Variants in NR3C2 observed in about 807,000 individuals in gnomAD.
The protein encoded by NR3C2 is nuclear receptor subfamily 3 group C member 2, also known as mineralocorticoid receptor.
NR3C2 carries 15 observed loss-of-function variants against 86.4 expected under a neutral mutation model. The ratio of observed to expected loss-of-function variants is 0.17; its 90% CI spans 0.12 to 0.27. The LOEUF is 0.27. Ranked by LOEUF, NR3C2 falls within the 10% of genes least tolerant of loss-of-function variation. The pLI is 1.00. For missense variants in NR3C2, 960 were observed against 1,195.6 expected (o/e 0.80, Z 2.91); for synonymous variants, 458 against 450.5 (o/e 1.02, Z -0.21).
chr4:148,387,873 C>A (rs918445836), intron 2 of NR3C2, among the ~76,000 whole-genome samples: 3 of 152,164 alleles, frequency 2.0e-5, no homozygotes, highest in Non-Finnish European at 4.4e-5. Flanking sequence ...GTGGAGCAAG[C>A]AGTATTTTAC....
intron 2 of NR3C2, among the ~76,000 whole-genome samples, chr4:148,417,819 T>A (rs1008350256): frequency 1.3e-5 from 2 of 152,208 alleles, no homozygotes; most frequent in African/African-American, 4.8e-5. Context: ...TCATTTCTGT[T>A]GTCCAAAGAA....
At chr4:148,245,007 G>T (rs1739248245) in intron 3 of NR3C2, among the ~76,000 whole-genome samples, 1 of 152,070 alleles carries the variant, frequency 6.6e-6, no homozygotes, top group Non-Finnish European at 1.5e-5. Flanking sequence ...TTCTCACCAG[G>T]ATTCGAAGCA....
intron 2 of NR3C2, among the ~76,000 whole-genome samples, chr4:148,421,797 G>T (rs1579279711): frequency 6.6e-6 from 1 of 152,092 alleles, no homozygotes. Flanking sequence ...ACAGAGGCTA[G>T]GCCATGTTCA....
chr4:148,440,993 A>C (rs978895413), intron 1 of NR3C2, among the ~76,000 whole-genome samples: 8 of 152,222 alleles, frequency 5.3e-5, no homozygotes, highest in Non-Finnish European at 1.0e-4. Flanking sequence ...GCATAGTTGT[A>C]AAAGTTCACT....
intron 2 of NR3C2, among the ~76,000 whole-genome samples, chr4:148,412,821 GCACACA>G (rs370759208): frequency 4.3e-5 from 5 of 115,954 alleles, no homozygotes; most frequent in Admixed American, 2.0e-4. Context: ...GCACATGTGC[GCACACA>G]CACACACACA....
At chr4:148,341,743 T>TA (rs561272814) in intron 2 of NR3C2, among the ~76,000 whole-genome samples, 40 of 151,530 alleles carry the variant, frequency 2.6e-4, no homozygotes, top group Non-Finnish European at 5.0e-4. Flanking sequence ...TATGCATCAA[T>TA]AAAAAAAATA....
chr4:148,338,635 C>A (rs1744604981), intron 2 of NR3C2, among the ~76,000 whole-genome samples: 1 of 152,058 alleles, frequency 6.6e-6, no homozygotes, highest in East Asian at 1.9e-4. Flanking sequence ...GCAACAAACC[C>A]TTGGTCACGG....
chr4:148,286,056 C>T (rs1041022762), intron 2 of NR3C2, among the ~76,000 whole-genome samples: 3 of 152,128 alleles, frequency 2.0e-5, no homozygotes, highest in African/African-American at 7.2e-5. Context: ...ATGACTAGAA[C>T]AGTCTGGAAG....
chr4:148,400,225 G>T (rs1375933528), intron 2 of NR3C2, among the ~76,000 whole-genome samples: 3 of 152,110 alleles, frequency 2.0e-5, no homozygotes, highest in Admixed American at 1.3e-4. Context: ...AACCTTCAAG[G>T]GCTGAGCTAG....
At chr4:148,186,613 C>A (rs528098074) in intron 4 of NR3C2, among the ~76,000 whole-genome samples, 1 of 152,144 alleles carries the variant, frequency 6.6e-6, no homozygotes, top group East Asian at 1.9e-4. Context: ...TGTACATAAT[C>A]TATTTTTTTC....
chr4:148,148,698 C>T (rs923560315), intron 6 of NR3C2, among the ~76,000 whole-genome samples: 2 of 152,174 alleles, frequency 1.3e-5, no homozygotes, highest in Admixed American at 1.3e-4. Flanking sequence ...TAATCATTCC[C>T]AAGGAAGACT....
rs558731228 is a variant in NR3C2 at position 148,362,581 on chromosome 4, C to T, written c.1757+72523G>A. ...TTACGGAATTGTACATATTCACTCC[C>T]GCTTTCATCTGCTCAAAAGTTACAG... On this transcript the variant is annotated intron_variant, in intron 2 of 8. Coordinates refer to ENST00000358102, the MANE Select transcript of NR3C2 (RefSeq NM_000901.5). Among the ~76,000 whole-genome samples, 15 of 152,218 alleles carry T rather than the reference C, an allele frequency of 9.9e-5. No individual in the cohort carries two copies. The East Asian group carries it at 1.2e-3, about 12-fold the overall frequency.
intron 4 of NR3C2, among the ~76,000 whole-genome samples, chr4:148,166,966 C>T (rs1333836157): frequency 6.6e-6 from 1 of 152,156 alleles, no homozygotes; most frequent in Non-Finnish European, 1.5e-5. Context: ...AGTAACATCA[C>T]ATTGATAGTA....
At chr4:148,334,280 C>T (rs534885265) in intron 2 of NR3C2, among the ~76,000 whole-genome samples, 43 of 152,338 alleles carry the variant, frequency 2.8e-4, no homozygotes, top group Admixed American at 1.2e-3. Flanking sequence ...CGGTGGCTCA[C>T]GCCTATAATC....
chr4:148,325,421 C>G (rs1743912673), intron 2 of NR3C2, among the ~76,000 whole-genome samples: 1 of 152,098 alleles, frequency 6.6e-6, no homozygotes, highest in African/African-American at 2.4e-5. Flanking sequence ...TTTTTAATCT[C>G]TAGTACTTTG....
chr4:148,416,030 C>G (rs1748977483), intron 2 of NR3C2, among the ~76,000 whole-genome samples: 1 of 151,948 alleles, frequency 6.6e-6, no homozygotes, highest in Non-Finnish European at 1.5e-5. Context: ...GTCTATAGAG[C>G]TGCATATCAT....
chr4:148,215,005 G>A (rs1452711314), intron 3 of NR3C2, among the ~76,000 whole-genome samples: 3 of 152,272 alleles, frequency 2.0e-5, no homozygotes, highest in African/African-American at 7.2e-5. Flanking sequence ...GGGGATGGGG[G>A]CCTGGGTAAG....
At chr4:148,158,895 T>G (rs2149772582) in intron 4 of NR3C2, among the ~76,000 whole-genome samples, 1 of 152,354 alleles carries the variant, frequency 6.6e-6, no homozygotes, top group South Asian at 2.1e-4. Context: ...TGTGATTTTG[T>G]GAATATATGT....
chr4:148,251,135 T>C (rs2149860339), intron 3 of NR3C2, among the ~76,000 whole-genome samples: 1 of 152,172 alleles, frequency 6.6e-6, no homozygotes, highest in South Asian at 2.1e-4. Context: ...GTTATTGTTC[T>C]TTTTGTAGAA....
Sources: gnomAD v4.1 joint callset for allele counts (sites outside exome capture counted in the v4.1 genomes callset) on GRCh38, gnomAD v4.1.1 for gene constraint, MANE v1.5 for transcripts, NCBI Gene and HGNC (gene_info 2026-07-23, HGNC 2026-07-21) for gene names.